The following CFAP44 variants were observed in gnomAD, a reference collection of about 807,000 sequenced individuals.
CFAP44 encodes cilia and flagella associated protein 44.
A neutral mutation model predicts 216.2 loss-of-function variants in CFAP44; 134 were observed. The observed-to-expected ratio is 0.62, with a 90% CI of 0.54 to 0.72. The LOEUF (loss-of-function observed/expected upper bound fraction) is 0.72. Ranked by LOEUF, CFAP44 falls within the 30% of genes least tolerant of loss-of-function variation. The pLI is 0.00. For missense variants in CFAP44, 2,035 were observed against 2,182.1 expected, an observed-to-expected ratio of 0.93 and a Z score of 1.34; for synonymous variants, 700 against 727.6, an observed-to-expected ratio of 0.96 and a Z score of 0.61.
chr3:113,385,046 T>C (rs1933609831), intron 15 of CFAP44, among the ~76,000 whole-genome samples: 1 of 152,202 alleles, frequency 6.6e-6, no homozygotes, highest in Non-Finnish European at 1.5e-5. Flanking sequence ...TGTGCTGTTT[T>C]CATGACAGTG....
At chr3:113,358,717 C>A in intron 22 of CFAP44, 28 bp downstream of exon 22, 1 of 1,535,326 alleles carries the variant, frequency 6.5e-7, no homozygotes, top group Non-Finnish European at 8.7e-7. Flanking sequence ...TCTCAAACAT[C>A]TTAGCTTGTA....
At chr3:113,357,615 C>G (rs1025741003) in intron 22 of CFAP44, among the ~76,000 whole-genome samples, 4 of 152,172 alleles carry the variant, frequency 2.6e-5, no homozygotes, top group Non-Finnish European at 5.9e-5. Context: ...TTCTAGCCTC[C>G]AGAACTGCGA....
chr3:113,421,972 C>T (rs758401736), intron 4 of CFAP44, among the ~76,000 whole-genome samples: 35 of 151,836 alleles, frequency 2.3e-4, no homozygotes, highest in Middle Eastern at 3.4e-3. Flanking sequence ...GCATGTGTAC[C>T]CTCTGTATCT....
chr3:113,435,389 A>T (rs554354516), intron 1 of CFAP44, among the ~76,000 whole-genome samples: 1 of 152,212 alleles, frequency 6.6e-6, no homozygotes, highest in East Asian at 1.9e-4. Context: ...AGGGGAAGAA[A>T]ACCCCTTATA....
At chr3:113,314,047 AC>A (rs1950065370) in intron 28 of CFAP44, among the ~76,000 whole-genome samples, 1 of 152,020 alleles carries the variant, frequency 6.6e-6, no homozygotes, top group African/African-American at 2.4e-5. Flanking sequence ...ACAAAATAAA[AC>A]CCCAGAGCCT....
At chr3:113,375,043 G>A (rs1259606659) in intron 17 of CFAP44, among the ~76,000 whole-genome samples, 1 of 152,196 alleles carries the variant, frequency 6.6e-6, no homozygotes, top group Non-Finnish European at 1.5e-5. Flanking sequence ...CATCACGGAT[G>A]AAACTTGGGG....
At chr3:113,299,355 A>G (rs1046262013) in intron 32 of CFAP44, among the ~76,000 whole-genome samples, 2 of 152,244 alleles carry the variant, frequency 1.3e-5, no homozygotes, top group African/African-American at 2.4e-5. Flanking sequence ...AATAAAAGCT[A>G]CAATGAGATA....
At chr3:113,345,051 T>C (rs1028605100) in intron 22 of CFAP44, among the ~76,000 whole-genome samples, 2 of 148,808 alleles carry the variant, frequency 1.3e-5, no homozygotes, top group Non-Finnish European at 3.0e-5. Context: ...ATAGAATCCA[T>C]CTCCCTACAT....
intron 33 of CFAP44, among the ~76,000 whole-genome samples, chr3:113,295,949 G>A (rs1357924635): frequency 6.6e-6 from 1 of 152,158 alleles, no homozygotes; most frequent in Admixed American, 6.5e-5. Flanking sequence ...ACAAGTCTGT[G>A]ACTTGGATAT....
At chr3:113,412,130 T>G (rs1934496241) in intron 6 of CFAP44, among the ~76,000 whole-genome samples, 1 of 152,038 alleles carries the variant, frequency 6.6e-6, no homozygotes, top group Non-Finnish European at 1.5e-5. Context: ...CTCTCACCAC[T>G]CCTATTCAAC....
At chr3:113,425,105 A>G (rs1275645501) in intron 4 of CFAP44, among the ~76,000 whole-genome samples, 1 of 152,140 alleles carries the variant, frequency 6.6e-6, no homozygotes, top group African/African-American at 2.4e-5. Context: ...TTGTCCAAAG[A>G]TAAGGAAAAA....
intron 22 of CFAP44, among the ~76,000 whole-genome samples, chr3:113,352,602 C>T (rs934992244): frequency 2.0e-5 from 3 of 151,934 alleles, no homozygotes; most frequent in Non-Finnish European, 4.4e-5. Flanking sequence ...GCAGGAGAAA[C>T]CATTTACAAT....
At chr3:113,298,421 G>A (rs1009452513) in intron 32 of CFAP44, among the ~76,000 whole-genome samples, 3 of 152,160 alleles carry the variant, frequency 2.0e-5, no homozygotes, top group Non-Finnish European at 4.4e-5. Context: ...AAGGCAACAA[G>A]CTAACTGCAG....
intron 9 of CFAP44, among the ~76,000 whole-genome samples, chr3:113,403,165 T>C (rs1205151235): frequency 1.3e-5 from 2 of 152,208 alleles, no homozygotes; most frequent in African/African-American, 4.8e-5. Context: ...CACTTTCTTA[T>C]GAAAGGCCCC....
chr3:113,370,499 A>T (rs1393793297), intron 18 of CFAP44, among the ~76,000 whole-genome samples: 5 of 152,202 alleles, frequency 3.3e-5, no homozygotes, highest in African/African-American at 9.7e-5. Flanking sequence ...ATCTCAATAG[A>T]CGCAGAAAAG....
At chr3:113,328,715 AAAAAAAAAAAAAAC>A (rs1472228305) in intron 26 of CFAP44, among the ~76,000 whole-genome samples, 15 of 146,932 alleles carry the variant, frequency 1.0e-4, no homozygotes, top group East Asian at 1.9e-4. Flanking sequence ...AAAAAAAAAA[AAAAAAAAAAAAAAC>A]AGAGAGAGAA....
intron 24 of CFAP44, among the ~76,000 whole-genome samples, chr3:113,341,364 A>C (rs1387232743): frequency 1.3e-5 from 2 of 152,122 alleles, no homozygotes; most frequent in Admixed American, 1.3e-4. Context: ...TTTTTAAAAG[A>C]AAGCAATTAA....
chr3:113,308,639 G>A (rs1950009165), intron 28 of CFAP44, among the ~76,000 whole-genome samples: 1 of 151,172 alleles, frequency 6.6e-6, no homozygotes, highest in South Asian at 2.1e-4. Flanking sequence ...TGCCCAGGCT[G>A]TAGTGCAGTG....
At chr3:113,403,165 T>G (rs1205151235) in intron 9 of CFAP44, among the ~76,000 whole-genome samples, 1 of 152,208 alleles carries the variant, frequency 6.6e-6, no homozygotes, top group Non-Finnish European at 1.5e-5. Flanking sequence ...CACTTTCTTA[T>G]GAAAGGCCCC....
Sources: allele counts gnomAD v4.1 joint callset (sites outside exome capture counted in the v4.1 genomes callset), GRCh38; gene constraint gnomAD v4.1.1; transcripts MANE v1.5; gene names NCBI Gene and HGNC (gene_info 2026-07-23, HGNC 2026-07-21).